The following ITGA9 variants were observed in gnomAD, a reference collection of about 807,000 sequenced individuals.
ITGA9 encodes integrin subunit alpha 9.
Under a neutral mutation model 127.8 loss-of-function variants are expected in ITGA9, and 56 were observed. That is an observed-to-expected ratio of 0.44 (90% CI 0.35 to 0.55). The LOEUF (loss-of-function observed/expected upper bound fraction) is 0.55, where lower values mean the gene tolerates loss of function less well. Ranked by LOEUF, ITGA9 falls within the 20% of genes least tolerant of loss-of-function variation. The pLI is 0.00. For missense variants in ITGA9, 1,196 were observed against 1,347.1 expected (o/e 0.89, Z 1.76); for synonymous variants, 508 against 514.5 (o/e 0.99, Z 0.17).
At chr3:37,801,294 G>T (rs573509436) in intron 26 of ITGA9, among the ~76,000 whole-genome samples, 4 of 152,144 alleles carry the variant, frequency 2.6e-5, no homozygotes, top group Non-Finnish European at 5.9e-5. Context: ...CATCCTTGGT[G>T]GGGGTGGGGA....
chr3:37,527,081 G>A (rs1699101007), intron 13 of ITGA9, among the ~76,000 whole-genome samples: 4 of 152,204 alleles, frequency 2.6e-5, no homozygotes, highest in Non-Finnish European at 5.9e-5. Flanking sequence ...TGAGTTTCCT[G>A]GGCAAGTCCC....
intron 19 of ITGA9, 111 bp downstream of exon 19, chr3:37,732,909 A>G: frequency 1.2e-6 from 1 of 816,442 alleles, no homozygotes; most frequent in African/African-American, 1.7e-5. Context: ...CCTGCCTCCC[A>G]TAGCAGCTGG....
At chr3:37,731,419 A>G (rs145641951) in intron 18 of ITGA9, among the ~76,000 whole-genome samples, 36 of 152,296 alleles carry the variant, frequency 2.4e-4, no homozygotes, top group African/African-American at 8.7e-4. Context: ...GCACAGAGAG[A>G]TGTTAGAAAA....
chr3:37,459,210 G>A (rs1417353909), intron 1 of ITGA9, among the ~76,000 whole-genome samples: 1 of 152,196 alleles, frequency 6.6e-6, no homozygotes, highest in Non-Finnish European at 1.5e-5. Context: ...ATCTACATTG[G>A]TACTCATACC....
At chr3:37,510,772 G>C (rs1698896633) in intron 8 of ITGA9, among the ~76,000 whole-genome samples, 1 of 151,750 alleles carries the variant, frequency 6.6e-6, no homozygotes, top group Non-Finnish European at 1.5e-5. Context: ...TTTTCTTTAG[G>C]GCTCTTCTGG....
At chr3:37,759,768 G>A (rs183936652) in intron 23 of ITGA9, among the ~76,000 whole-genome samples, 36 of 151,930 alleles carry the variant, frequency 2.4e-4, no homozygotes, top group African/African-American at 5.1e-4. Flanking sequence ...GCCAGGTGTC[G>A]TGGGCAGGTG....
chr3:37,762,394 G>A lies in ITGA9; in HGVS notation c.2541+11825G>A, dbSNP rs745492444. Among the ~76,000 whole-genome samples, 7 of 152,246 alleles carry A rather than the reference G, an allele frequency of 4.6e-5. No homozygotes were observed. The South Asian group carries it at 1.4e-3, about 32-fold the overall frequency. ...GTTATAGAAAGAATGCAGGCTCAGA[G>A]CATGACCACAACCAGGTTTTAATGG... On this transcript the variant is annotated intron_variant, in intron 23 of 27. Coordinates refer to ENST00000264741, the MANE Select transcript of ITGA9 (RefSeq NM_002207.3).
intron 18 of ITGA9, among the ~76,000 whole-genome samples, chr3:37,692,825 G>C (rs1399464847): frequency 6.6e-6 from 1 of 152,198 alleles, no homozygotes; most frequent in Non-Finnish European, 1.5e-5. Flanking sequence ...CTTTCAGACT[G>C]GGCAGGGAGG....
intron 26 of ITGA9, among the ~76,000 whole-genome samples, chr3:37,786,546 T>C (rs140113898): frequency 5.7e-4 from 87 of 151,962 alleles, no homozygotes; most frequent in African/African-American, 2.0e-3. Flanking sequence ...TGAGCCAAGA[T>C]CATGCCACTC....
At chr3:37,691,819 G>A (rs1055544659) in intron 18 of ITGA9, among the ~76,000 whole-genome samples, 4 of 152,206 alleles carry the variant, frequency 2.6e-5, no homozygotes, top group Admixed American at 1.3e-4. Flanking sequence ...GGAGTGGAGA[G>A]GGTCAACCGG....
At chr3:37,733,883 T>C (rs1422090902) in intron 19 of ITGA9, among the ~76,000 whole-genome samples, 1 of 152,220 alleles carries the variant, frequency 6.6e-6, no homozygotes, top group African/African-American at 2.4e-5. Context: ...TGTGTTCACA[T>C]ATCACCCAAG....
chr3:37,780,685 T>A (rs1696966520), intron 25 of ITGA9, among the ~76,000 whole-genome samples: 1 of 152,246 alleles, frequency 6.6e-6, no homozygotes, highest in African/African-American at 2.4e-5. Flanking sequence ...CCTTTGGGTA[T>A]ATACCCATTA....
chr3:37,805,821 A>G (rs7646471), intron 27 of ITGA9: 1 of 149,572 alleles, frequency 6.7e-6, no homozygotes, highest in Non-Finnish European at 1.5e-5. Context: ...TGTCACCACA[A>G]CCAGCTATTT....
chr3:37,464,116 A>AGT (rs10603611), intron 1 of ITGA9, among the ~76,000 whole-genome samples: 39,755 of 143,972 alleles, frequency 0.28, 6,161 homozygotes, highest in Non-Finnish European at 0.38. Context: ...AGAAGGTGTG[A>AGT]GTGTGTGTGT....
At chr3:37,813,149 G>C (rs765933152) in intron 27 of ITGA9, among the ~76,000 whole-genome samples, 1 of 152,178 alleles carries the variant, frequency 6.6e-6, no homozygotes, top group Non-Finnish European at 1.5e-5. Flanking sequence ...GGGCTCGTGG[G>C]TTTCCTGGCA....
At chr3:37,652,595 G>A (rs1367305635) in intron 16 of ITGA9, among the ~76,000 whole-genome samples, 5 of 152,202 alleles carry the variant, frequency 3.3e-5, no homozygotes, top group African/African-American at 1.2e-4. Flanking sequence ...TCGTTGGCCA[G>A]CACGTTTGCT....
intron 18 of ITGA9, among the ~76,000 whole-genome samples, chr3:37,697,378 C>T (rs948428967): frequency 6.6e-6 from 1 of 151,108 alleles, no homozygotes; most frequent in African/African-American, 2.4e-5. Flanking sequence ...GGTACATGTG[C>T]ACAACGTGCA....
intron 23 of ITGA9, among the ~76,000 whole-genome samples, chr3:37,759,155 A>G (rs1440923134): frequency 1.3e-5 from 2 of 151,866 alleles, no homozygotes; most frequent in Non-Finnish European, 1.5e-5. Context: ...GCCAGCAGAA[A>G]CATCAGAGGC....
intron 15 of ITGA9, among the ~76,000 whole-genome samples, chr3:37,628,212 G>C (rs534116219): frequency 6.6e-6 from 1 of 152,176 alleles, no homozygotes; most frequent in Non-Finnish European, 1.5e-5. Context: ...ACTTTCCTTT[G>C]ACACGTCTCA....
Sources: gnomAD v4.1 joint callset for allele counts (sites outside exome capture counted in the v4.1 genomes callset) on GRCh38, gnomAD v4.1.1 for gene constraint, MANE v1.5 for transcripts, NCBI Gene and HGNC (gene_info 2026-07-23, HGNC 2026-07-21) for gene names.